The following LRMDA variants were observed in gnomAD, a reference collection of about 807,000 sequenced individuals.
LRMDA encodes the protein leucine-rich melanocyte differentiation-associated protein.
In LRMDA, 18 loss-of-function variants were observed where a neutral mutation model predicts 29.8. That is an observed-to-expected ratio of 0.60 (90% CI 0.42 to 0.90). The LOEUF (loss-of-function observed/expected upper bound fraction) is 0.90. Ranked by LOEUF, LRMDA falls within the 40% of genes least tolerant of loss-of-function variation. The pLI, the probability that LRMDA is intolerant of heterozygous loss-of-function variation, is 0.00. For synonymous variants in LRMDA, 125 were observed against 109.4 expected, an observed-to-expected ratio of 1.14 and a Z score of -0.89; for missense variants, 273 against 273.9, an observed-to-expected ratio of 1.00 and a Z score of 0.02.
chr10:76,016,526 C>T (rs1191580384), intron 2 of LRMDA, among the ~76,000 whole-genome samples: 4 of 152,120 alleles, frequency 2.6e-5, no homozygotes, highest in African/African-American at 9.7e-5. Flanking sequence ...TGACTAAATG[C>T]TTATGATCTT....
At chr10:76,065,614 T>G (rs189059944) in intron 5 of LRMDA, among the ~76,000 whole-genome samples, 117 of 152,308 alleles carry the variant, frequency 7.7e-4, no homozygotes, top group African/African-American at 2.7e-3. Flanking sequence ...TGGAAGTAAG[T>G]AGCATTTTTT....
At position 75,883,897 on chromosome 10, in the gene LRMDA, G is replaced by A. The variant is rs552955771; in HGVS notation, c.132-152111G>A. 7.3e-5 allele frequency among the ~76,000 whole-genome samples: 11 copies of A among 151,658 alleles called. 1 individual carries two copies. The South Asian group carries it at 2.3e-3, about 32-fold the overall frequency. ...GATATATTACCTTAATGATTTCATTGCTTGCCAAATAAAAGAAAAATTCTC... is the reference window on the plus strand; with the variant it reads ...GATATATTACCTTAATGATTTCATTACTTGCCAAATAAAAGAAAAATTCTC... On this transcript the variant is annotated intron_variant, in intron 2 of 6. Transcript: ENST00000611255.
At chr10:75,558,155 ATTTT>A (rs11292875) in intron 2 of LRMDA, among the ~76,000 whole-genome samples, 2 of 132,390 alleles carry the variant, frequency 1.5e-5, no homozygotes, top group Admixed American at 7.5e-5. Context: ...CAGTGGTATG[ATTTT>A]TTTTTTTTTT....
chr10:76,100,641 A>G (rs543805047), intron 5 of LRMDA, among the ~76,000 whole-genome samples: 1 of 152,216 alleles, frequency 6.6e-6, no homozygotes, highest in African/African-American at 2.4e-5. Flanking sequence ...GTTCTTCTGC[A>G]GGGGTTGAAG....
intron 3 of LRMDA, among the ~76,000 whole-genome samples, chr10:76,046,063 C>T (rs1483602286): frequency 6.6e-6 from 1 of 152,172 alleles, no homozygotes; most frequent in Admixed American, 6.5e-5. Flanking sequence ...ATTTCTTCTA[C>T]CCTTGTATGT....
chr10:75,541,088 G>A (rs1840009896), intron 2 of LRMDA, among the ~76,000 whole-genome samples: 1 of 152,158 alleles, frequency 6.6e-6, no homozygotes, highest in Admixed American at 6.5e-5. Flanking sequence ...AACTCTTGCA[G>A]GGATTGAATA....
chr10:75,551,765 A>T (rs61859957), intron 2 of LRMDA, among the ~76,000 whole-genome samples: 16,600 of 152,160 alleles, frequency 0.11, 1,150 homozygotes, highest in Middle Eastern at 0.25. Context: ...TTTGCTGGGC[A>T]CTGTGGCTTA....
intron 2 of LRMDA, among the ~76,000 whole-genome samples, chr10:75,912,003 G>C (rs1845850172): frequency 6.6e-6 from 1 of 152,178 alleles, no homozygotes; most frequent in Non-Finnish European, 1.5e-5. Flanking sequence ...GACAGGGAAG[G>C]TGATAAGGCC....
chr10:76,335,550 C>A (rs1264634311), intron 6 of LRMDA, among the ~76,000 whole-genome samples: 2 of 152,082 alleles, frequency 1.3e-5, no homozygotes, highest in African/African-American at 4.8e-5. Context: ...ATGACATGTG[C>A]CCAAGGTGGT....
At chr10:75,731,403 T>G (rs1481590971) in intron 2 of LRMDA, among the ~76,000 whole-genome samples, 1 of 152,260 alleles carries the variant, frequency 6.6e-6, no homozygotes, top group East Asian at 1.9e-4. Context: ...TGACACTGTT[T>G]TAACTATTTA....
chr10:75,962,725 C>T (rs1170775405), intron 2 of LRMDA, among the ~76,000 whole-genome samples: 4 of 152,162 alleles, frequency 2.6e-5, no homozygotes, highest in African/African-American at 9.7e-5. Context: ...TTTCAGTGTG[C>T]AACCTGTACC....
intron 2 of LRMDA, among the ~76,000 whole-genome samples, chr10:75,805,738 T>C (rs1359358891): frequency 2.0e-5 from 3 of 152,222 alleles, no homozygotes; most frequent in Non-Finnish European, 2.9e-5. Context: ...GTGGCACTTT[T>C]GGGGTTCAGT....
At chr10:76,285,997 G>A (rs544743467) in intron 5 of LRMDA, among the ~76,000 whole-genome samples, 2 of 152,250 alleles carry the variant, frequency 1.3e-5, no homozygotes, top group South Asian at 2.1e-4. Flanking sequence ...CTTGCGTTGA[G>A]GCTAAATCAT....
Position 76,426,475 on chromosome 10 carries a change from G to T in LRMDA, c.601+101990G>T, listed in dbSNP as rs903086179. Among the ~76,000 whole-genome samples, 29 of 150,428 alleles carry T rather than the reference G, an allele frequency of 1.9e-4. 1 individual carries two copies. The Middle Eastern group carries it at 0.01, about 53-fold the overall frequency. ...TTTGTTTTTTTCTTGTAAATTTGTT[G>T]GAGTTCATTGTAGATTCTGGATATT... On this transcript the variant is annotated intron_variant, in intron 6 of 6. Coordinates refer to ENST00000611255, the MANE Select transcript of LRMDA (RefSeq NM_001305581.2).
At chr10:76,377,859 A>C (rs1841540484) in intron 6 of LRMDA, among the ~76,000 whole-genome samples, 1 of 152,068 alleles carries the variant, frequency 6.6e-6, no homozygotes, top group African/African-American at 2.4e-5. Flanking sequence ...TTAGCTATTC[A>C]GTTTCTTTTT....
intron 2 of LRMDA, among the ~76,000 whole-genome samples, chr10:75,445,878 T>C (rs1844387743): frequency 6.6e-6 from 1 of 152,254 alleles, no homozygotes. Context: ...AGCTGCATCT[T>C]ATTTTGCATC....
chr10:75,806,804 A>T (rs549362435), intron 2 of LRMDA, among the ~76,000 whole-genome samples: 4 of 116,664 alleles, frequency 3.4e-5, no homozygotes, highest in Admixed American at 2.5e-4. Context: ...AAACACTGGA[A>T]ATTGCAAAAA....
chr10:76,295,560 C>T (rs527401964), intron 5 of LRMDA, among the ~76,000 whole-genome samples: 48 of 152,186 alleles, frequency 3.2e-4, no homozygotes, highest in Non-Finnish European at 5.9e-4. Flanking sequence ...ACACTGCTGC[C>T]GCCACCTCTT....
chr10:76,267,458 T>G (rs570010401), intron 5 of LRMDA, among the ~76,000 whole-genome samples: 22 of 152,300 alleles, frequency 1.4e-4, no homozygotes, highest in Admixed American at 1.4e-3. Flanking sequence ...AGAAACTCTA[T>G]AATTATTAAG....
Sources: gnomAD v4.1 joint callset for allele counts (sites outside exome capture counted in the v4.1 genomes callset) on GRCh38, gnomAD v4.1.1 for gene constraint, MANE v1.5 for transcripts, NCBI Gene and HGNC (gene_info 2026-07-23, HGNC 2026-07-21) for gene names.